The following ITFG1 variants were observed in gnomAD, a reference collection of about 807,000 sequenced individuals.
ITFG1 encodes the protein T-cell immunomodulatory protein.
In ITFG1, 34 loss-of-function variants were observed where a neutral mutation model predicts 81.8. That is an observed-to-expected ratio of 0.42 (90% CI 0.32 to 0.55). The LOEUF is 0.55. Ranked by LOEUF, ITFG1 falls within the 20% of genes least tolerant of loss-of-function variation. ITFG1 has a pLI of 0.17. For missense variants in ITFG1, 672 were observed against 755.4 expected (o/e 0.89, Z 1.29); for synonymous variants, 285 against 270.6 (o/e 1.05, Z -0.52).
At chr16:47,441,691 G>C (rs969904847) in intron 5 of ITFG1, among the ~76,000 whole-genome samples, 3 of 151,984 alleles carry the variant, frequency 2.0e-5, no homozygotes, top group Non-Finnish European at 4.4e-5. Flanking sequence ...AAAATAATAA[G>C]AGCTATCTAT....
chr16:47,425,474 G>A lies in ITFG1; in HGVS notation c.655+3330C>T, dbSNP rs556951222. Among the ~76,000 whole-genome samples the A allele has an allele frequency of 6.4e-4, 97 of 152,180 alleles. 1 individual carries two copies. The highest frequency in any genetic ancestry group is 2.1e-3 in the African/African-American group (87 of 41,520). On this transcript the variant is annotated intron_variant, in intron 6 of 17. Coordinates refer to ENST00000320640, the MANE Select transcript of ITFG1 (RefSeq NM_030790.5). The stretch of plus-strand genomic sequence containing the variant: ...CACCCACTGTCCAACCAGTCCCAAT[G>A]CAATGAACCAGGTACCTCAGTTGGA...
intron 6 of ITFG1, 49 bp from the exon 7 acceptor site, chr16:47,375,989 T>A: frequency 9.0e-7 from 1 of 1,114,048 alleles, no homozygotes. Context: ...CTTACTGATG[T>A]GTACATTTAA....
At chr16:47,285,145 C>T (rs1480549404) in intron 10 of ITFG1, among the ~76,000 whole-genome samples, 4 of 152,136 alleles carry the variant, frequency 2.6e-5, no homozygotes, top group Non-Finnish European at 4.4e-5. Flanking sequence ...TCCTGCACTC[C>T]GTTCACGCTA....
chr16:47,314,386 A>G (rs556959509), intron 8 of ITFG1, among the ~76,000 whole-genome samples: 2 of 152,306 alleles, frequency 1.3e-5, no homozygotes, highest in Admixed American at 1.3e-4. Flanking sequence ...AACTTTATAC[A>G]TATGTAAGAG....
chr16:47,346,377 A>G (rs1967855044), intron 8 of ITFG1, among the ~76,000 whole-genome samples: 1 of 152,206 alleles, frequency 6.6e-6, no homozygotes, highest in Non-Finnish European at 1.5e-5. Flanking sequence ...GAGACAAATG[A>G]AAATGAAATA....
chr16:47,447,422 T>C (rs1384833724), intron 5 of ITFG1, among the ~76,000 whole-genome samples: 1 of 152,186 alleles, frequency 6.6e-6, no homozygotes, highest in Non-Finnish European at 1.5e-5. Context: ...TAAAACCATT[T>C]ACTTAGAAAC....
At chr16:47,219,207 G>A (rs958283913) in intron 13 of ITFG1, among the ~76,000 whole-genome samples, 8 of 152,054 alleles carry the variant, frequency 5.3e-5, no homozygotes, top group Admixed American at 1.3e-4. Context: ...TATTCAGTTC[G>A]TTATTTTAAC....
intron 6 of ITFG1, among the ~76,000 whole-genome samples, chr16:47,412,751 C>A (rs1305286944): frequency 2.7e-5 from 4 of 148,136 alleles, no homozygotes; most frequent in African/African-American, 9.9e-5. Context: ...CAGAATAGAA[C>A]AAACTGAGGA....
At chr16:47,385,264 C>T (rs1174619582) in intron 6 of ITFG1, among the ~76,000 whole-genome samples, 1 of 151,990 alleles carries the variant, frequency 6.6e-6, no homozygotes, top group Non-Finnish European at 1.5e-5. Context: ...TAATGAGGCA[C>T]ACTCATGGCC....
chr16:47,399,366 G>T (rs907535006), intron 6 of ITFG1, among the ~76,000 whole-genome samples: 1 of 152,188 alleles, frequency 6.6e-6, no homozygotes, highest in East Asian at 1.9e-4. Flanking sequence ...AAGGTCAGGA[G>T]ATCGAGACCA....
chr16:47,273,260 G>A (rs1966362146), intron 10 of ITFG1, among the ~76,000 whole-genome samples: 1 of 151,774 alleles, frequency 6.6e-6, no homozygotes, highest in Non-Finnish European at 1.5e-5. Context: ...CTGTCTTACT[G>A]TATAAACCTT....
At chr16:47,195,462 T>C (rs1965346764) in intron 14 of ITFG1, among the ~76,000 whole-genome samples, 1 of 152,218 alleles carries the variant, frequency 6.6e-6, no homozygotes, top group Non-Finnish European at 1.5e-5. Context: ...CACAATCACC[T>C]AGTACACTGC....
intron 1 of ITFG1, among the ~76,000 whole-genome samples, chr16:47,460,506 T>C (rs1007661787): frequency 3.3e-5 from 5 of 152,088 alleles, no homozygotes; most frequent in South Asian, 2.1e-4. Flanking sequence ...CAAAGATTCC[T>C]AGGAATCAGG....
intron 10 of ITFG1, among the ~76,000 whole-genome samples, chr16:47,261,006 ACT>A (rs1966203948): frequency 2.0e-5 from 3 of 152,238 alleles, no homozygotes; most frequent in Admixed American, 2.0e-4. Flanking sequence ...GTTCCTGCAC[ACT>A]GTCATTATCT....
At chr16:47,339,731 A>G (rs1967756241) in intron 8 of ITFG1, among the ~76,000 whole-genome samples, 1 of 152,138 alleles carries the variant, frequency 6.6e-6, no homozygotes. Context: ...CCCAAGGGAC[A>G]CTATCAAGTG....
intron 14 of ITFG1, among the ~76,000 whole-genome samples, chr16:47,173,138 C>T (rs947924918): frequency 1.3e-5 from 2 of 152,172 alleles, no homozygotes; most frequent in Non-Finnish European, 2.9e-5. Flanking sequence ...GATATGTTCT[C>T]AGAGAGGCTT....
At chr16:47,237,168 A>T (rs968260185) in intron 13 of ITFG1, among the ~76,000 whole-genome samples, 12 of 152,210 alleles carry the variant, frequency 7.9e-5, no homozygotes, top group Non-Finnish European at 1.3e-4. Flanking sequence ...GTCTGTTTCT[A>T]CACTTCTTAA....
At chr16:47,273,947 T>G (rs1255722330) in intron 10 of ITFG1, among the ~76,000 whole-genome samples, 1 of 152,098 alleles carries the variant, frequency 6.6e-6, no homozygotes, top group Non-Finnish European at 1.5e-5. Flanking sequence ...CCATGTACTT[T>G]AATAACTATG....
At chr16:47,241,186 C>T (rs1965929637) in intron 12 of ITFG1, among the ~76,000 whole-genome samples, 1 of 152,038 alleles carries the variant, frequency 6.6e-6, no homozygotes, top group East Asian at 1.9e-4. Flanking sequence ...AACTCTCATA[C>T]ATTTCTGATG....
Sources: gnomAD v4.1 joint callset for allele counts (sites outside exome capture counted in the v4.1 genomes callset) on GRCh38, gnomAD v4.1.1 for gene constraint, MANE v1.5 for transcripts, NCBI Gene and HGNC (gene_info 2026-07-23, HGNC 2026-07-21) for gene names.